Variants in YARS1 observed in about 807,000 individuals in gnomAD.
YARS1 encodes tyrosine--tRNA ligase, cytoplasmic.
In YARS1, 36 loss-of-function variants were observed where a neutral mutation model predicts 62.2. The ratio of observed to expected loss-of-function variants is 0.58; its 90% CI spans 0.44 to 0.76. YARS1 has a LOEUF of 0.76. YARS1 is among the 30% of genes least tolerant of loss of function. The pLI, the probability that YARS1 is intolerant of heterozygous loss-of-function variation, is 0.00. For missense variants in YARS1, 524 were observed against 639.8 expected (o/e 0.82, Z 1.95); for synonymous variants, 234 against 244.9 (o/e 0.96, Z 0.42).
intron 4 of YARS1, among the ~76,000 whole-genome samples, chr1:32,805,089 G>A (rs902013163): frequency 1.6e-4 from 24 of 152,080 alleles, no homozygotes; most frequent in Non-Finnish European, 2.8e-4. Flanking sequence ...AATTGCAGGC[G>A]TGGCGGCACG....
chr1:32,800,808 C>T (rs1323618201), intron 4 of YARS1, among the ~76,000 whole-genome samples: 2 of 152,030 alleles, frequency 1.3e-5, no homozygotes, highest in Non-Finnish European at 1.5e-5. Context: ...TTCCTGACCT[C>T]GTGATCTGCC....
intron 12 of YARS1, among the ~76,000 whole-genome samples, chr1:32,777,437 C>A (rs1422246040): frequency 5.3e-5 from 8 of 151,966 alleles, no homozygotes; most frequent in Non-Finnish European, 1.2e-4. Flanking sequence ...ATGGTGAAAC[C>A]CCATCTCTAC....
chr1:32,805,234 AG>A lies in YARS1; in HGVS notation c.510+1247del, dbSNP rs1557463247. Reference sequence around the variant, plus strand: ...GAGACGGTGGAAAGGGGAGAGGGGGAGAGGGGGAGAGGGGGAGAGGGGGAGA... The same window carrying A: ...GAGACGGTGGAAAGGGGAGAGGGGGAAGGGGGAGAGGGGGAGAGGGGGAGA... On this transcript the variant is annotated intron_variant, in intron 4 of 12. Coordinates refer to ENST00000373477, the MANE Select transcript of YARS1 (RefSeq NM_003680.4). Among the ~76,000 whole-genome samples the A allele has an allele frequency of 4.4e-4, 4 of 9,102 alleles. No homozygotes were observed. In the East Asian group the frequency reaches 0.014, roughly 33 times the overall value. 6.0% of individuals were successfully genotyped at this position (9,102 alleles called of 152,430 possible). A position where few individuals can be genotyped will look rare whatever the true frequency, so the allele number is the denominator to read the frequency against.
intron 6 of YARS1, chr1:32,790,772 G>A (rs531567866): frequency 6.6e-4 from 139 of 210,046 alleles, no homozygotes; most frequent in African/African-American, 2.7e-3. Flanking sequence ...TCAAGTACAC[G>A]AGCTCAAGAG....
At chr1:32,816,934 G>T in intron 1 of YARS1, 2 of 598,310 alleles carry the variant, frequency 3.3e-6, no homozygotes, top group Non-Finnish European at 6.0e-6. Context: ...TGGAATGGGA[G>T]TCCTGGATTC....
chr1:32,807,505 G>A (rs1245864297), intron 3 of YARS1, among the ~76,000 whole-genome samples: 1 of 151,594 alleles, frequency 6.6e-6, no homozygotes, highest in Non-Finnish European at 1.5e-5. Context: ...CACCTGGGCT[G>A]GAACACAGTG....
At chr1:32,803,336 T>C (rs545201424) in intron 4 of YARS1, among the ~76,000 whole-genome samples, 2 of 151,144 alleles carry the variant, frequency 1.3e-5, no homozygotes, top group Admixed American at 6.6e-5. Flanking sequence ...TTCACCATGT[T>C]GGTCAGGCTG....
intron 3 of YARS1, among the ~76,000 whole-genome samples, chr1:32,809,623 T>C (rs1190710708): frequency 6.6e-6 from 1 of 152,196 alleles, no homozygotes; most frequent in Non-Finnish European, 1.5e-5. Context: ...AGAAAGTTAC[T>C]AGTAAGCAAG....
At chr1:32,794,115 C>G (rs933949142) in intron 5 of YARS1, among the ~76,000 whole-genome samples, 1 of 152,160 alleles carries the variant, frequency 6.6e-6, no homozygotes, top group Non-Finnish European at 1.5e-5. Flanking sequence ...TTTGGGAGGC[C>G]AAGGTGGGTG....
chr1:32,807,488 A>G (rs1050903223), intron 3 of YARS1, among the ~76,000 whole-genome samples: 5 of 151,142 alleles, frequency 3.3e-5, no homozygotes, highest in African/African-American at 1.2e-4. Flanking sequence ...ACAGGGTCTC[A>G]CTCTGTCACC....
intron 8 of YARS1, among the ~76,000 whole-genome samples, chr1:32,785,462 A>T (rs1375264103): frequency 6.7e-6 from 1 of 149,472 alleles, no homozygotes; most frequent in Non-Finnish European, 1.5e-5. Flanking sequence ...CTCTGTCTCA[A>T]AAAAAAAAAA....
At chr1:32,800,852 C>T (rs959629415) in intron 4 of YARS1, among the ~76,000 whole-genome samples, 4 of 152,170 alleles carry the variant, frequency 2.6e-5, no homozygotes, top group Admixed American at 2.6e-4. Context: ...GGATTACAGG[C>T]GTAAGCCACT....
intron 4 of YARS1, among the ~76,000 whole-genome samples, chr1:32,802,698 T>C (rs1638329645): frequency 6.6e-6 from 1 of 152,190 alleles, no homozygotes; most frequent in South Asian, 2.1e-4. Context: ...GAATCTTTCT[T>C]TTTGAGGAGT....
intron 3 of YARS1, among the ~76,000 whole-genome samples, chr1:32,808,670 G>A (rs1298345379): frequency 1.3e-5 from 2 of 152,116 alleles, no homozygotes; most frequent in Non-Finnish European, 2.9e-5. Context: ...CTCGCACATA[G>A]CAAGAATTCA....
intron 12 of YARS1, among the ~76,000 whole-genome samples, chr1:32,779,171 A>G (rs536999407): frequency 3.3e-5 from 5 of 152,302 alleles, no homozygotes; most frequent in Non-Finnish European, 4.4e-5. Flanking sequence ...AGGGCCTCAA[A>G]TGATCTGTCG....
intron 4 of YARS1, among the ~76,000 whole-genome samples, chr1:32,799,611 A>G (rs889396305): frequency 1.3e-5 from 2 of 152,226 alleles, no homozygotes; most frequent in Admixed American, 1.3e-4. Context: ...AACAGTCTAG[A>G]ACAGCATTAT....
intron 10 of YARS1, chr1:32,780,714 G>C (rs1370088370): frequency 4.6e-6 from 2 of 432,980 alleles, no homozygotes; most frequent in Non-Finnish European, 8.6e-6. Context: ...TTTCTGAAGG[G>C]GGCAAAGTGG....
At chr1:32,783,623 T>C (rs1290364929) in intron 8 of YARS1, 1 of 152,254 alleles carries the variant, frequency 6.6e-6, no homozygotes, top group African/African-American at 2.4e-5. Context: ...GCCTTTTTTA[T>C]ATCTCAAATC....
intron 1 of YARS1, among the ~76,000 whole-genome samples, chr1:32,812,969 CAA>C (rs371599312): frequency 3.3e-4 from 30 of 89,994 alleles, no homozygotes; most frequent in Admixed American, 4.9e-4. Context: ...ACTCTGTCTC[CAA>C]AAAAAAAAAA....
Sources: allele counts gnomAD v4.1 joint callset (sites outside exome capture counted in the v4.1 genomes callset), GRCh38; gene constraint gnomAD v4.1.1; transcripts MANE v1.5; gene names NCBI Gene and HGNC (gene_info 2026-07-23, HGNC 2026-07-21).